The following CDHR2 variants were observed in gnomAD, a reference collection of about 807,000 sequenced individuals.
CDHR2 encodes cadherin related family member 2, also known as cadherin-related family member 2.
Under a neutral mutation model 138.6 loss-of-function variants are expected in CDHR2, and 104 were observed. The ratio of observed to expected loss-of-function variants is 0.75; its 90% confidence interval spans 0.64 to 0.88. CDHR2 has a LOEUF of 0.88. CDHR2 is among the 40% of genes least tolerant of loss of function. The pLI, the probability that CDHR2 is intolerant of heterozygous loss-of-function variation, is 0.00. For missense variants in CDHR2, 1,624 were observed against 1,727.6 expected, an observed-to-expected ratio of 0.94 and a Z score of 1.06; for synonymous variants, 755 against 742.8, an observed-to-expected ratio of 1.02 and a Z score of -0.27.
intron 1 of CDHR2, among the ~76,000 whole-genome samples, chr5:176,558,432 G>T: frequency 6.7e-6 from 1 of 149,676 alleles, no homozygotes; most frequent in African/African-American, 2.5e-5. Context: ...CGCCCAGGCT[G>T]GAGTGCGATG....
At chr5:176,560,863 A>T (rs1319357812) in intron 1 of CDHR2, among the ~76,000 whole-genome samples, 1 of 152,150 alleles carries the variant, frequency 6.6e-6, no homozygotes, top group African/African-American at 2.4e-5. Flanking sequence ...GTCTGTGGGG[A>T]GCATGGCGAG....
intron 31 of CDHR2, 77 bp downstream of exon 31, chr5:176,592,857 G>A (rs1038738581): frequency 1.6e-6 from 2 of 1,261,338 alleles, no homozygotes; most frequent in Non-Finnish European, 2.3e-6. Context: ...AGAGCTCAAG[G>A]GACCTGCTAC....
chr5:176,552,683 C>T (rs1757733216), intron 1 of CDHR2, among the ~76,000 whole-genome samples: 1 of 152,206 alleles, frequency 6.6e-6, no homozygotes, highest in African/African-American at 2.4e-5. Flanking sequence ...TGTAGAACGC[C>T]AGCCTCATCA....
At chr5:176,581,996 C>A (rs1420504266) in intron 17 of CDHR2, among the ~76,000 whole-genome samples, 1 of 152,058 alleles carries the variant, frequency 6.6e-6, no homozygotes, top group Non-Finnish European at 1.5e-5. Flanking sequence ...ATGGTTATTA[C>A]CATTTTGTTT....
chr5:176,544,031 C>T (rs1048585473), intron 1 of CDHR2, among the ~76,000 whole-genome samples: 1 of 152,254 alleles, frequency 6.6e-6, no homozygotes, highest in Admixed American at 6.5e-5. Flanking sequence ...CCAGCGAAGG[C>T]TGCACCCCGC....
At position 176,590,571 on chromosome 5, in the gene CDHR2, G is replaced by A. The variant is rs779641127; in HGVS notation, c.3423G>A (p.Gln1141=). The A allele has an allele frequency of 2.6e-4, 412 of 1,613,922 alleles. No homozygotes were observed. Among genetic ancestry groups the A allele is most frequent in the Non-Finnish European group, 3.3e-4 (389 of 1,179,998 alleles). The part of the protein sequence containing the change: ...LQLGLVVLGS[Q]ESQESDLSKQ... ...CACTCATCTTTCTCCAGGGCTCCCAGGAGAGCCAGGAGTCAGACCTGTCGA... is the reference window on the plus strand; with the variant it reads ...CACTCATCTTTCTCCAGGGCTCCCAAGAGAGCCAGGAGTCAGACCTGTCGA... The change falls in exon 28 of 32, where the codon CAG becomes CAA. Residue 1141 remains glutamine (Q), a synonymous_variant. Transcript: ENST00000261944.
At position 176,590,671 on chromosome 5, in the gene CDHR2, G is replaced by A. The variant is rs200440317; in HGVS notation, c.3523G>A (p.Val1175Met). The A allele has an allele frequency of 6.0e-4, 973 of 1,613,348 alleles. 2 individuals carry two copies. The highest frequency in any genetic ancestry group is 7.9e-4 in the Non-Finnish European group (936 of 1,179,954). ...LVLVIMTMAFVCVRKSYNRKL... is the reference protein window; with the variant it reads ...LVLVIMTMAFMCVRKSYNRKL... ...CCTTGTGATCATGACCATGGCCTTC[G>A]TGTGTGTGCGGAAGAGGTGCGGCTC... is the stretch of plus-strand genomic sequence containing the variant. The change falls in exon 28 of 32, where the codon GTG (valine) becomes ATG (methionine). Residue 1175 changes from valine (V) to methionine (M), a missense_variant. Val to Met is a conservative substitution (Grantham distance 21). Around this residue, in one of 3 missense-constraint regions of CDHR2, gnomAD observed 556 missense variants for 565.7 expected, o/e 0.98. Coordinates refer to ENST00000261944, the MANE Select transcript of CDHR2 (RefSeq NM_017675.6).
At chr5:176,588,980 G>A in intron 21 of CDHR2, 51 bp from the exon 22 acceptor site, 1 of 1,598,898 alleles carries the variant, frequency 6.3e-7, no homozygotes, top group South Asian at 1.1e-5. Context: ...CTGGGGTGGA[G>A]GGATGCCTGG....
At chr5:176,586,249 G>A (rs1034886956) in intron 20 of CDHR2, among the ~76,000 whole-genome samples, 7 of 152,144 alleles carry the variant, frequency 4.6e-5, no homozygotes, top group African/African-American at 1.4e-4. Context: ...AGGCTGGAGC[G>A]CAATGGTACG....
At chr5:176,592,652 G>A (rs1174180706) in intron 30 of CDHR2, 71 bp from the exon 31 acceptor site, 26 of 1,232,566 alleles carry the variant, frequency 2.1e-5, no homozygotes, top group Non-Finnish European at 3.0e-5. Flanking sequence ...GGTGATGGAG[G>A]TGGTGGTTCT....
At chr5:176,584,355 G>A (rs886509324) in intron 18 of CDHR2, 55 bp from the exon 19 acceptor site, 8 of 1,611,368 alleles carry the variant, frequency 5.0e-6, no homozygotes, top group African/African-American at 1.3e-5. Context: ...AAGGGCAGAG[G>A]AGGCTTCCGA....
Position 176,575,804 on chromosome 5 carries a change from C to T in CDHR2, c.925C>T (p.Leu309=), listed in dbSNP as rs1008430595. 1.9e-6 allele frequency: 3 copies of T among 1,555,314 alleles called. No homozygotes were observed. The highest frequency in any genetic ancestry group is 2.6e-6 in the Non-Finnish European group (3 of 1,149,038). The change falls in exon 11 of 32, where the codon CTG becomes TTG. Residue 309 remains leucine, a synonymous_variant. Coordinates refer to ENST00000261944, the MANE Select transcript of CDHR2 (RefSeq NM_017675.6). ...CGGCTCCCTGGACCGTGAGCAGCTG[C>T]TGGAGGCGGATGAGGAGGTGCAGCT... ...VNGSLDREQL[L]EADEEVQLQV...
intron 20 of CDHR2, chr5:176,586,537 T>G (rs1309110396): frequency 3.8e-6 from 2 of 530,358 alleles, no homozygotes; most frequent in Non-Finnish European, 6.7e-6. Flanking sequence ...ACCTAATGTC[T>G]GGCCCTGGGC....
intron 1 of CDHR2, among the ~76,000 whole-genome samples, chr5:176,560,470 T>C (rs1167858421): frequency 2.6e-5 from 4 of 151,680 alleles, no homozygotes; most frequent in Non-Finnish European, 5.9e-5. Context: ...GGAGCAGACA[T>C]AGTCCTCATC....
In CDHR2 at chr5:176,581,593, G is replaced by A. The variant is rs112996664; in HGVS notation, c.2058+11G>A. 2.1e-4 allele frequency: 346 copies of A among 1,610,790 alleles called. No individual in the cohort carries two copies. The African/African-American group carries it at 3.2e-3, about 15-fold the overall frequency. ...ACCATCACTGTGGAGGTAAGGCCTC[G>A]CTTAGCCAGGATGGGCCTGGGGGCC... On this transcript the variant is annotated intron_variant, in intron 17 of 31. Coordinates refer to ENST00000261944, the MANE Select transcript of CDHR2 (RefSeq NM_017675.6).
rs1758218775 is a variant in CDHR2, at chr5:176,571,123, G to A, written c.316-90G>A. The A allele has an allele frequency of 1.3e-5, 8 of 633,686 alleles. No homozygotes were observed. In the East Asian group the frequency reaches 3.1e-4, roughly 25 times the overall value. 39.3% of individuals were successfully genotyped at this position (633,686 alleles called of 1,614,324 possible). On this transcript the variant is annotated intron_variant, in intron 5 of 31. Coordinates refer to ENST00000261944, the MANE Select transcript of CDHR2 (RefSeq NM_017675.6). Reference sequence around the variant, plus strand: ...GACCAAACAGTAGGTTGATCTGGATGAAGGACACCAGCTCTTTGTACGATA... The same window carrying A: ...GACCAAACAGTAGGTTGATCTGGATAAAGGACACCAGCTCTTTGTACGATA...
rs776202796 is a variant in CDHR2 at position 176,577,973 on chromosome 5, G to C, written c.1513-61G>C. ...CACGACAGCTCTGTCCCCACGAGCTGCATGGGTGGCGGTGCGTGCATCGCC... is the reference window on the plus strand; with the variant it reads ...CACGACAGCTCTGTCCCCACGAGCTCCATGGGTGGCGGTGCGTGCATCGCC... On this transcript the variant is annotated intron_variant, in intron 14 of 31. Coordinates refer to ENST00000261944, the MANE Select transcript of CDHR2 (RefSeq NM_017675.6). 119 of 1,546,218 alleles carry C rather than the reference G, an allele frequency of 7.7e-5. 1 individual carries two copies. The highest frequency in any genetic ancestry group is 1.0e-4 in the Non-Finnish European group (113 of 1,129,736).
chr5:176,593,817 G>A (rs1349962706), intron 31 of CDHR2, among the ~76,000 whole-genome samples: 4 of 152,304 alleles, frequency 2.6e-5, no homozygotes, highest in East Asian at 1.9e-4. Context: ...GTAGAATGTC[G>A]CACAGGGGCC....
chr5:176,571,066 A>G lies in CDHR2; in HGVS notation c.316-147A>G, dbSNP rs1178817517. ...AAAAAAAAAAAAAAAAAAAAAAAAA[A>G]AAGCCCCCAAAAACATATGGAGAGA... On this transcript the variant is annotated intron_variant, in intron 5 of 31. Coordinates refer to ENST00000261944, the MANE Select transcript of CDHR2 (RefSeq NM_017675.6). 4 of 413,138 alleles carry G rather than the reference A, an allele frequency of 9.7e-6. No individual in the cohort carries two copies. The South Asian group carries it at 1.7e-4, about 18-fold the overall frequency. 25.6% of individuals were successfully genotyped at this position (413,138 alleles called of 1,614,324 possible).
Sources: gnomAD v4.1 joint callset for allele counts (sites outside exome capture counted in the v4.1 genomes callset) on GRCh38, gnomAD v4.1.1 for gene constraint, gnomAD v4.1.1 regional missense constraint, MANE v1.5 for transcripts, NCBI Gene and HGNC (gene_info 2026-07-23, HGNC 2026-07-21) for gene names.